ZNF444: variants seen among roughly 807,000 people sequenced by gnomAD.
The protein encoded by ZNF444 is zinc finger protein 444, also known as endothelial zinc finger protein 2.
A neutral mutation model predicts 14.4 loss-of-function variants in ZNF444; 8 were observed. That is an observed-to-expected ratio of 0.56 (90% CI 0.33 to 1.00). The LOEUF (loss-of-function observed/expected upper bound fraction) is 1.00. ZNF444 is among the 50% of genes least tolerant of loss of function. The pLI is 0.03. For missense variants in ZNF444, 510 were observed against 504.8 expected (o/e 1.01, Z -0.10); for synonymous variants, 258 against 235.9 (o/e 1.09, Z -0.86).
upstream of ZNF444, among the ~76,000 whole-genome samples, chr19:56,136,853 C>A (rs1402821146): frequency 6.6e-6 from 1 of 152,044 alleles, no homozygotes; most frequent in East Asian, 1.9e-4. Flanking sequence ...ACGATCTTGG[C>A]TCACCGCAAC....
upstream of ZNF444, among the ~76,000 whole-genome samples, chr19:56,137,621 C>A (rs1181336252): frequency 6.6e-6 from 1 of 152,106 alleles, no homozygotes; most frequent in African/African-American, 2.4e-5. Flanking sequence ...GAATATTCCT[C>A]CGGATCTGCC....
upstream of ZNF444, among the ~76,000 whole-genome samples, chr19:56,139,838 G>C (rs935838489): frequency 8.5e-5 from 13 of 152,180 alleles, no homozygotes; most frequent in African/African-American, 3.1e-4. Flanking sequence ...TTCTTCGCAA[G>C]GTGGGGGAGA....
chr19:56,158,386 T>TC (rs2032036542), intron 3 of ZNF444, 108 bp from the exon 4 acceptor site: 1 of 1,043,258 alleles, frequency 9.6e-7, no homozygotes, highest in Non-Finnish European at 1.4e-6. Context: ...GACTGTGGCT[T>TC]CCTCCCAGCA....
chr19:56,148,191 T>C (rs2031326030), intron 3 of ZNF444, among the ~76,000 whole-genome samples: 1 of 152,190 alleles, frequency 6.6e-6, no homozygotes, highest in Non-Finnish European at 1.5e-5. Context: ...GTGGCTGCTG[T>C]GTGGGGCCTG....
chr19:56,149,873 C>G (rs1302783862), intron 3 of ZNF444: 1 of 153,648 alleles, frequency 6.5e-6, no homozygotes, highest in Admixed American at 6.5e-5. Context: ...TCTTAGGTCA[C>G]CTGTGATGAC....
intron 3 of ZNF444, among the ~76,000 whole-genome samples, chr19:56,148,007 C>A (rs2031309870): frequency 1.3e-5 from 2 of 152,208 alleles, no homozygotes; most frequent in South Asian, 4.2e-4. Context: ...ACTGCCTGGC[C>A]CCGTCAGGGA....
rs1475122150 is a variant in ZNF444 at position 56,147,759 on chromosome 19, A to C, written c.297+551A>C. On this transcript the variant is annotated intron_variant, in intron 3 of 4. Coordinates refer to ENST00000337080, the MANE Select transcript of ZNF444 (RefSeq NM_018337.4). The surrounding 1 kb of genome is among the most constrained non-coding windows in gnomAD (Gnocchi z 5.9). ...TGGGCTGGCCTGAGTCCCCCGGGGC[A>C]GGCAGACCCTCCTTATCATGCGTGA... 6.6e-6 allele frequency among the ~76,000 whole-genome samples: 1 copy of C among 152,118 alleles called. No individual in the cohort carries two copies. The highest frequency in any genetic ancestry group is 1.5e-5 in the Non-Finnish European group (1 of 68,008).
upstream of ZNF444, among the ~76,000 whole-genome samples, chr19:56,140,222 G>A (rs2030721882): frequency 6.6e-6 from 1 of 152,182 alleles, no homozygotes; most frequent in Non-Finnish European, 1.5e-5. Flanking sequence ...CGGGGAGGTG[G>A]AGGATGGGAG....
At chr19:56,134,583 G>A (rs1246574962) in intron 1 of ZNF444, among the ~76,000 whole-genome samples, 1 of 152,160 alleles carries the variant, frequency 6.6e-6, no homozygotes, top group African/African-American at 2.4e-5. Context: ...CTTCCTGGAG[G>A]AGGGGACGTC....
rs145282528 is a variant in ZNF444 at position 56,148,964 on chromosome 19, A to G, written c.297+1756A>G. Among the ~76,000 whole-genome samples, 931 of 152,078 alleles carry G rather than the reference A, an allele frequency of 6.1e-3. 7 individuals are homozygous for G. The highest frequency in any genetic ancestry group is 0.021 in the African/African-American group (874 of 41,448). The stretch of plus-strand genomic sequence containing the variant: ...TTTCCAGCTCCTAGAGGCTGCCCGC[A>G]TTCCTCGGCTCATGGCCCTTCCTCC... On this transcript the variant is annotated intron_variant, in intron 3 of 4. Transcript: ENST00000337080.
chr19:56,157,866 G>A (rs2032005598), intron 3 of ZNF444: 1 of 152,178 alleles, frequency 6.6e-6, no homozygotes, highest in Admixed American at 6.5e-5. Context: ...GAGGAATTAT[G>A]TAGTAGGGCG....
At chr19:56,158,296 C>T (rs752695503) in intron 3 of ZNF444, 198 bp from the exon 4 acceptor site, 38 of 503,294 alleles carry the variant, frequency 7.6e-5, no homozygotes, top group Middle Eastern at 1.1e-3. Flanking sequence ...CAAGATGGCT[C>T]CCTGGCAGGG....
intron 3 of ZNF444, chr19:56,156,248 TCCA>T (rs1489766098): frequency 4.6e-5 from 7 of 152,268 alleles, no homozygotes; most frequent in Admixed American, 4.6e-4. Context: ...TACCTTGCTG[TCCA>T]CCTCCACGAG....
chr19:56,152,727 G>A (rs542542795), intron 3 of ZNF444, among the ~76,000 whole-genome samples: 1 of 152,128 alleles, frequency 6.6e-6, no homozygotes, highest in Middle Eastern at 3.4e-3. Flanking sequence ...GTTTGGTGAG[G>A]GTCTCCTGCT....
In ZNF444 at chr19:56,160,415, C is replaced by T. The variant is rs189978566; in HGVS notation, c.*214C>T. 3.7e-4 allele frequency: 179 copies of T among 485,692 alleles called. No homozygotes were observed. The highest frequency in any genetic ancestry group is 2.3e-3 in the East Asian group (64 of 27,358). The allele number at this position is 485,692 out of a possible 1,614,324, so 30.1% of individuals were successfully genotyped here. On this transcript the variant is annotated 3_prime_UTR_variant, in exon 5 of 5. Transcript: ENST00000337080. ...TTTCCTTCTCAGGTCTCACCTCAGC[C>T]CCCCCCTTCTCCCTGATTTCTCGGC...
At chr19:56,155,938 T>A (rs1043461532) in intron 3 of ZNF444, 2 of 152,162 alleles carry the variant, frequency 1.3e-5, no homozygotes, top group Non-Finnish European at 2.9e-5. Context: ...ATCCCAAGAC[T>A]GACCCCCCAT....
intron 1 of ZNF444, among the ~76,000 whole-genome samples, chr19:56,132,935 CTTTTTTTTT>C (rs61365745): frequency 2.1e-5 from 2 of 94,262 alleles, no homozygotes; most frequent in African/African-American, 8.5e-5. Context: ...TTCTTTCTTT[CTTTTTTTTT>C]TTTTTTTTTT....
At chr19:56,146,735 C>T (rs1015722409) in intron 2 of ZNF444, among the ~76,000 whole-genome samples, 155 bp from the exon 3 acceptor site, 2 of 152,184 alleles carry the variant, frequency 1.3e-5, no homozygotes, top group Non-Finnish European at 2.9e-5. Context: ...TTGCAGTAAG[C>T]TGAGATCCGC....
At chr19:56,143,934 G>T (rs1323055752) in intron 1 of ZNF444, among the ~76,000 whole-genome samples, 1 of 152,094 alleles carries the variant, frequency 6.6e-6, no homozygotes, top group Non-Finnish European at 1.5e-5. Flanking sequence ...AGCAAAGATT[G>T]GGGGGAAAGA....
Sources: allele counts gnomAD v4.1 joint callset (sites outside exome capture counted in the v4.1 genomes callset), GRCh38; gene constraint gnomAD v4.1.1; non-coding constraint Gnocchi (gnomAD v3.1); transcripts MANE v1.5; gene names NCBI Gene and HGNC (gene_info 2026-07-23, HGNC 2026-07-21).